Variants in HS3ST4 observed in about 807,000 individuals in gnomAD.
The protein encoded by HS3ST4 is heparan sulfate-glucosamine 3-sulfotransferase 4.
In HS3ST4, 17 loss-of-function variants were observed where a neutral mutation model predicts 29.2. The ratio of observed to expected loss-of-function variants is 0.58; its 90% CI spans 0.40 to 0.87. HS3ST4 has a LOEUF of 0.87. Ranked by LOEUF, HS3ST4 falls within the 40% of genes least tolerant of loss-of-function variation. The pLI, the probability that HS3ST4 is intolerant of heterozygous loss-of-function variation, is 0.00. For missense variants in HS3ST4, 627 were observed against 634.5 expected (o/e 0.99, Z 0.13); for synonymous variants, 314 against 285.7 (o/e 1.10, Z -1.00).
chr16:25,989,678 G>T (rs548951438), intron 1 of HS3ST4, among the ~76,000 whole-genome samples: 3 of 152,130 alleles, frequency 2.0e-5, no homozygotes, highest in African/African-American at 7.2e-5. Context: ...CTGCTCAGGG[G>T]TTCTTCAGGT....
intron 1 of HS3ST4, among the ~76,000 whole-genome samples, chr16:25,997,150 T>C (rs1169217319): frequency 1.3e-5 from 2 of 152,206 alleles, no homozygotes; most frequent in Admixed American, 1.3e-4. Context: ...AGATTTACAA[T>C]AATATCAGCA....
At chr16:25,902,228 G>A (rs980641829) in intron 1 of HS3ST4, among the ~76,000 whole-genome samples, 3 of 152,260 alleles carry the variant, frequency 2.0e-5, no homozygotes, top group African/African-American at 7.2e-5. Context: ...GTATTCAAAA[G>A]ATGAAGCCCG....
intron 1 of HS3ST4, among the ~76,000 whole-genome samples, chr16:25,876,894 A>G (rs1287903415): frequency 2.6e-5 from 4 of 151,924 alleles, no homozygotes; most frequent in Non-Finnish European, 5.9e-5. Context: ...ACTTCCTTGT[A>G]TCATGTTTTG....
intron 1 of HS3ST4, among the ~76,000 whole-genome samples, chr16:25,770,667 G>A (rs1323674050): frequency 2.6e-5 from 4 of 152,274 alleles, no homozygotes; most frequent in South Asian, 2.1e-4. Flanking sequence ...GGAGCTGTAC[G>A]GCCTGAATGG....
In HS3ST4 at chr16:25,846,692, T is replaced by TA. The variant is rs1005585841; in HGVS notation, c.734+153548dup. Among the ~76,000 whole-genome samples, 12 of 152,260 alleles carry TA rather than the reference T, an allele frequency of 7.9e-5. No homozygotes were observed. The South Asian group carries it at 1.2e-3, about 16-fold the overall frequency. ...GTTCATTCTTTCTATAACAGAAAAT[T>TA]AAAAAAATTTTCTAATATAGCCATA... On this transcript the variant is annotated intron_variant, in intron 1 of 1. Coordinates refer to ENST00000331351, the MANE Select transcript of HS3ST4 (RefSeq NM_006040.3).
At chr16:26,132,831 G>T (rs545128594) in intron 1 of HS3ST4, among the ~76,000 whole-genome samples, 6 of 152,102 alleles carry the variant, frequency 3.9e-5, no homozygotes, top group African/African-American at 1.4e-4. Context: ...GGAAAAGGCC[G>T]TATAAAAATA....
At chr16:26,031,148 C>A (rs1350897565) in intron 1 of HS3ST4, among the ~76,000 whole-genome samples, 3 of 152,162 alleles carry the variant, frequency 2.0e-5, no homozygotes, top group Non-Finnish European at 4.4e-5. Flanking sequence ...CCAAACCAGT[C>A]CCATTCAGAG....
At chr16:25,956,784 G>GT (rs1436888207) in intron 1 of HS3ST4, among the ~76,000 whole-genome samples, 1 of 152,030 alleles carries the variant, frequency 6.6e-6, no homozygotes, top group Non-Finnish European at 1.5e-5. Context: ...ACATCATGAG[G>GT]TCAGGAGATC....
chr16:25,844,606 A>G (rs1303521791), intron 1 of HS3ST4, among the ~76,000 whole-genome samples: 1 of 152,226 alleles, frequency 6.6e-6, no homozygotes, highest in East Asian at 1.9e-4. Context: ...TATTGGTAGA[A>G]ATGTTAATTA....
At chr16:25,823,524 T>A (rs1967183943) in intron 1 of HS3ST4, among the ~76,000 whole-genome samples, 1 of 152,178 alleles carries the variant, frequency 6.6e-6, no homozygotes. Context: ...TTATAAGATT[T>A]TCAGGAAGTC....
Position 25,806,958 on chromosome 16 carries a change from G to A in HS3ST4, c.734+113807G>A, listed in dbSNP as rs148388823. 1.1e-3 allele frequency among the ~76,000 whole-genome samples: 173 copies of A among 152,062 alleles called. 1 individual carries two copies. Among genetic ancestry groups the A allele is most frequent in the African/African-American group, 3.4e-3 (141 of 41,480 alleles). On this transcript the variant is annotated intron_variant, in intron 1 of 1. Transcript: ENST00000331351. ...ACACAAAACTTTCCATTACCACAGG[G>A]ACCCCTTTTGTTGCCTTTTTTGTTT...
chr16:25,697,732 C>T (rs147786866), intron 1 of HS3ST4, among the ~76,000 whole-genome samples: 1,674 of 152,046 alleles, frequency 0.011, 36 homozygotes, highest in African/African-American at 0.038. Context: ...GGGTCTCGCT[C>T]TGTTGCCAGG....
intron 1 of HS3ST4, among the ~76,000 whole-genome samples, chr16:26,001,815 A>G (rs1446880327): frequency 6.6e-6 from 1 of 152,096 alleles, no homozygotes; most frequent in African/African-American, 2.4e-5. Flanking sequence ...TACAATGGAG[A>G]GGGCAGTTTG....
At position 25,700,694 on chromosome 16, in the gene HS3ST4, T is replaced by A. The variant is rs117628656; in HGVS notation, c.734+7543T>A. Among the ~76,000 whole-genome samples the A allele has an allele frequency of 4.4e-3, 667 of 152,270 alleles. 3 individuals carry two copies. Among genetic ancestry groups the A allele is most frequent in the Non-Finnish European group, 7.3e-3 (495 of 68,020 alleles). On this transcript the variant is annotated intron_variant, in intron 1 of 1. Coordinates refer to ENST00000331351, the MANE Select transcript of HS3ST4 (RefSeq NM_006040.3). ...TTGAACCACCGCCCCGTTCAAGTAA[T>A]CTCCTGATTTCATTGGTTTTTGCGG...
At position 25,691,968 on chromosome 16, in the gene HS3ST4, G is replaced by A. The variant is rs1966250122; in HGVS notation, c.-450G>A. ...GCCCGGCCCCCTCCTCCTCCCCTCC[G>A]CGCCTCTCCTCTCTCCCGGCAGAAA... On this transcript the variant is annotated 5_prime_UTR_variant, in exon 1 of 2. Transcript: ENST00000331351. The A allele has an allele frequency of 6.8e-6, 1 of 147,350 alleles. No individual in the cohort carries two copies. The highest frequency in any genetic ancestry group is 1.5e-5 in the Non-Finnish European group (1 of 66,894). 9.1% of individuals were successfully genotyped at this position (147,350 alleles called of 1,614,324 possible). A position where few individuals can be genotyped will look rare whatever the true frequency, so the allele number is the denominator to read the frequency against.
intron 1 of HS3ST4, among the ~76,000 whole-genome samples, chr16:26,130,607 A>G (rs867938611): frequency 2.6e-5 from 4 of 152,212 alleles, no homozygotes; most frequent in South Asian, 2.1e-4. Context: ...AAGCCCTGTA[A>G]CGCAGGTAGT....
At chr16:26,104,519 G>A (rs1899027302) in intron 1 of HS3ST4, among the ~76,000 whole-genome samples, 2 of 152,132 alleles carry the variant, frequency 1.3e-5, no homozygotes, top group Non-Finnish European at 2.9e-5. Context: ...ATCAGTTAAG[G>A]TGCTCACTGA....
intron 1 of HS3ST4, among the ~76,000 whole-genome samples, chr16:25,925,749 G>T (rs72782515): frequency 0.076 from 11,604 of 152,234 alleles, 614 homozygotes; most frequent in South Asian, 0.14. Context: ...ACAGGAGATA[G>T]AATCTAATAG....
intron 1 of HS3ST4, among the ~76,000 whole-genome samples, chr16:26,099,807 A>G (rs542348366): frequency 6.6e-6 from 1 of 152,268 alleles, no homozygotes; most frequent in East Asian, 1.9e-4. Context: ...ACATGCACAC[A>G]CACACGCACA....
Sources: gnomAD v4.1 joint callset for allele counts (sites outside exome capture counted in the v4.1 genomes callset) on GRCh38, gnomAD v4.1.1 for gene constraint, MANE v1.5 for transcripts, NCBI Gene and HGNC (gene_info 2026-07-23, HGNC 2026-07-21) for gene names.